The following CTNND2 variants were observed in gnomAD, a reference collection of about 807,000 sequenced individuals.
CTNND2 encodes catenin delta 2, also known as catenin delta-2.
A neutral mutation model predicts 144.4 loss-of-function variants in CTNND2; 22 were observed. The observed-to-expected ratio is 0.15, with a 90% CI of 0.11 to 0.22. The LOEUF is 0.22. CTNND2 is among the 10% of genes least tolerant of loss of function. The probability of loss-of-function intolerance (pLI) is 1.00; values close to 1 mark genes in which losing one functional copy is unlikely to be tolerated. For missense variants in CTNND2, 1,353 were observed against 1,618.8 expected (o/e 0.84, Z 2.82); for synonymous variants, 751 against 695.6 (o/e 1.08, Z -1.25).
intron 8 of CTNND2, among the ~76,000 whole-genome samples, chr5:11,359,400 T>C (rs1756217762): frequency 6.6e-6 from 1 of 152,198 alleles, no homozygotes; most frequent in Non-Finnish European, 1.5e-5. Context: ...AGGACACTGG[T>C]GGCCTTCCTC....
chr5:11,212,405 G>A (rs1738732398), intron 10 of CTNND2, among the ~76,000 whole-genome samples: 1 of 152,188 alleles, frequency 6.6e-6, no homozygotes, highest in Non-Finnish European at 1.5e-5. Context: ...ATACAATGTA[G>A]TACACGATTA....
chr5:10,988,961 G>A lies in CTNND2; in HGVS notation c.3212-719C>T, dbSNP rs1226537577. Among the ~76,000 whole-genome samples, 3 of 152,176 alleles carry A rather than the reference G, an allele frequency of 2.0e-5. No individual in the cohort carries two copies. The highest frequency in any genetic ancestry group is 7.2e-5 in the African/African-American group (3 of 41,428). On this transcript the variant is annotated intron_variant, in intron 19 of 21. Transcript: ENST00000304623. The surrounding 1 kb of genome is among the most constrained non-coding windows in gnomAD (Gnocchi z 5.9). ...TCAGCCACTCACTGCCTGTCTGGCTGGGAGGCTGAGCCCTGCCGTTCCTCT... is the reference window on the plus strand; with the variant it reads ...TCAGCCACTCACTGCCTGTCTGGCTAGGAGGCTGAGCCCTGCCGTTCCTCT...
chr5:11,277,202 A>G (rs1467475768), intron 9 of CTNND2, among the ~76,000 whole-genome samples: 1 of 152,142 alleles, frequency 6.6e-6, no homozygotes, highest in East Asian at 1.9e-4. Context: ...TTCACAGAAT[A>G]GAGGATACAA....
chr5:10,979,402 G>A (rs934096748), intron 21 of CTNND2, among the ~76,000 whole-genome samples: 1 of 152,158 alleles, frequency 6.6e-6, no homozygotes, highest in Admixed American at 6.5e-5. Context: ...AGAACTGAGG[G>A]GAGGCTGATT....
rs192288320 is a variant in CTNND2 at position 11,690,209 on chromosome 5, A to G, written c.174+41927T>C. 4.6e-5 allele frequency among the ~76,000 whole-genome samples: 7 copies of G among 152,358 alleles called. No homozygotes were observed. The East Asian group carries it at 1.4e-3, about 29-fold the overall frequency. Reference sequence around the variant, plus strand: ...GATGGAAGAGAATAGAATCCAATGTATCCACCGACTGGTGCAGGAATTCAA... The same window carrying G: ...GATGGAAGAGAATAGAATCCAATGTGTCCACCGACTGGTGCAGGAATTCAA... On this transcript the variant is annotated intron_variant, in intron 2 of 21. Coordinates refer to ENST00000304623, the MANE Select transcript of CTNND2 (RefSeq NM_001332.4).
At chr5:11,690,175 C>T (rs760527654) in intron 2 of CTNND2, among the ~76,000 whole-genome samples, 3 of 152,102 alleles carry the variant, frequency 2.0e-5, no homozygotes, top group Non-Finnish European at 4.4e-5. Flanking sequence ...AAATCAGTGC[C>T]AGGAATGTGA....
At chr5:11,691,669 CT>C (rs1487959177) in intron 2 of CTNND2, among the ~76,000 whole-genome samples, 7 of 152,086 alleles carry the variant, frequency 4.6e-5, no homozygotes, top group Non-Finnish European at 1.0e-4. Flanking sequence ...CTTTGGGAGG[CT>C]GAGGTGGGAG....
intron 9 of CTNND2, among the ~76,000 whole-genome samples, chr5:11,240,207 C>T (rs201048907): frequency 8.9e-6 from 1 of 112,634 alleles, no homozygotes; most frequent in African/African-American, 3.4e-5. Context: ...ACACACACAC[C>T]CCCAACACAC....
At chr5:11,651,203 C>T (rs1782632623) in intron 2 of CTNND2, among the ~76,000 whole-genome samples, 1 of 152,172 alleles carries the variant, frequency 6.6e-6, no homozygotes, top group African/African-American at 2.4e-5. Context: ...CACTCCAGCT[C>T]TAGCCATGGC....
At chr5:11,456,255 G>A (rs1003300008) in intron 3 of CTNND2, among the ~76,000 whole-genome samples, 6 of 151,682 alleles carry the variant, frequency 4.0e-5, no homozygotes, top group East Asian at 3.9e-4. Flanking sequence ...TCCTCCCTGC[G>A]TCAAGGAGAC....
chr5:11,781,206 C>G (rs1790525873), intron 1 of CTNND2, among the ~76,000 whole-genome samples: 1 of 147,538 alleles, frequency 6.8e-6, no homozygotes, highest in Non-Finnish European at 1.5e-5. Context: ...GAACACTAAT[C>G]CAACTGACAG....
intron 2 of CTNND2, among the ~76,000 whole-genome samples, chr5:11,623,816 A>ATATATATATATATATATG (rs1781001669): frequency 1.8e-5 from 1 of 54,960 alleles, no homozygotes; most frequent in East Asian, 3.9e-4. Context: ...ATGTATATAT[A>ATATATATATATATATATG]TATATATATA....
intron 2 of CTNND2, among the ~76,000 whole-genome samples, chr5:11,652,685 T>C (rs1398794307): frequency 6.6e-6 from 1 of 152,220 alleles, no homozygotes; most frequent in Non-Finnish European, 1.5e-5. Flanking sequence ...ATCACCACAA[T>C]TAAGCTAATT....
At chr5:11,308,558 G>A (rs948632685) in intron 9 of CTNND2, among the ~76,000 whole-genome samples, 1 of 152,198 alleles carries the variant, frequency 6.6e-6, no homozygotes, top group Non-Finnish European at 1.5e-5. Context: ...TTCCCCTAAC[G>A]TTCCACTAAT....
At chr5:11,470,154 G>A (rs1189579694) in intron 3 of CTNND2, among the ~76,000 whole-genome samples, 1 of 152,122 alleles carries the variant, frequency 6.6e-6, no homozygotes, top group Admixed American at 6.5e-5. Flanking sequence ...TGAGAACATA[G>A]GCCAGGCACG....
chr5:11,815,862 C>A (rs1241696561), intron 1 of CTNND2, among the ~76,000 whole-genome samples: 1 of 152,142 alleles, frequency 6.6e-6, no homozygotes, highest in Non-Finnish European at 1.5e-5. Flanking sequence ...AGTGGTGGCT[C>A]TGTTCCTTCT....
At chr5:11,312,447 A>C (rs1175572756) in intron 9 of CTNND2, among the ~76,000 whole-genome samples, 1 of 152,024 alleles carries the variant, frequency 6.6e-6, no homozygotes, top group Non-Finnish European at 1.5e-5. Flanking sequence ...GCGGCAAGAG[A>C]AAATGAAGAA....
At chr5:11,379,817 C>G (rs184337821) in intron 7 of CTNND2, among the ~76,000 whole-genome samples, 10 of 152,254 alleles carry the variant, frequency 6.6e-5, no homozygotes, top group African/African-American at 2.4e-4. Context: ...GCACATATGA[C>G]CATGTCAGTT....
chr5:11,548,655 A>G (rs1269986905), intron 3 of CTNND2, among the ~76,000 whole-genome samples: 1 of 152,312 alleles, frequency 6.6e-6, no homozygotes, highest in African/African-American at 2.4e-5. Flanking sequence ...CTTTTCTGAC[A>G]CAAAATGTAA....
Sources: gnomAD v4.1 joint callset for allele counts (sites outside exome capture counted in the v4.1 genomes callset) on GRCh38, gnomAD v4.1.1 for gene constraint, Gnocchi (gnomAD v3.1) non-coding constraint, MANE v1.5 for transcripts, NCBI Gene and HGNC (gene_info 2026-07-23, HGNC 2026-07-21) for gene names.